Variants in PON3 observed in about 807,000 individuals in gnomAD.
PON3 encodes the protein paraoxonase 3.
Under a neutral mutation model 36.3 loss-of-function variants are expected in PON3, and 37 were observed. That is an observed-to-expected ratio of 1.02 (90% CI 0.78 to 1.34). PON3 has a LOEUF of 1.34. Among genes scored for constraint, PON3 ranks in the 40% most tolerant of loss-of-function variants. The pLI is 0.00. For missense variants in PON3, 415 were observed against 426.5 expected (o/e 0.97, Z 0.24); for synonymous variants, 155 against 154.8 (o/e 1.00, Z -0.01).
chr7:95,392,846 G>A (rs991922131), intron 2 of PON3, among the ~76,000 whole-genome samples: 14 of 152,312 alleles, frequency 9.2e-5, no homozygotes, highest in African/African-American at 2.4e-4. Context: ...AGGGTCCAGC[G>A]TCCCTAAAGA....
At position 95,363,332 on chromosome 7, in the gene PON3, A is replaced by T. The variant is rs17880412; in HGVS notation, c.696-491T>A. ...TCAAGGTACTTCTGTTTATAAAAAA[A>T]CCTCCAATTTTTAAACACTTTTTAA... On this transcript the variant is annotated intron_variant, in intron 6 of 8. Transcript: ENST00000265627. The T allele has an allele frequency of 8.1e-3, 1,447 of 178,714 alleles. 13 individuals carry two copies. Among genetic ancestry groups the T allele is most frequent in the African/African-American group, 0.019 (788 of 41,698 alleles). The allele number at this position is 178,714 out of a possible 1,614,324, so 11.1% of individuals were successfully genotyped here. A position where few individuals can be genotyped will look rare whatever the true frequency, so the allele number is the denominator to read the frequency against.
Position 95,359,964 on chromosome 7 carries a change from A to C in PON3, c.*9T>G, listed in dbSNP as rs570474868. On this transcript the variant is annotated 3_prime_UTR_variant, in exon 9 of 9. Coordinates refer to ENST00000265627, the MANE Select transcript of PON3 (RefSeq NM_000940.3). ...TAGACTTTTTTTTTTTTTTTTTACT[A>C]TCTAGAGTCTAGAGCTCACAGTACA... 2.5e-6 allele frequency: 4 copies of C among 1,569,682 alleles called. No individual in the cohort carries two copies. The highest frequency in any genetic ancestry group is 3.0e-5 in the African/African-American group (2 of 67,578).
intron 5 of PON3, among the ~76,000 whole-genome samples, chr7:95,366,374 C>T (rs2116381088): frequency 6.6e-6 from 1 of 152,298 alleles, no homozygotes; most frequent in Middle Eastern, 3.4e-3. Flanking sequence ...CCATACGGTG[C>T]ATTAGGAGCA....
Position 95,372,278 on chromosome 7 carries a change from T to A in PON3, c.262A>T (p.Met88Leu), listed in dbSNP as rs78883915. 8 of 1,614,002 alleles carry A rather than the reference T, an allele frequency of 5.0e-6. No individual in the cohort carries two copies. The highest frequency in any genetic ancestry group is 4.0e-5 in the African/African-American group (3 of 75,066). Residue 88 changes from methionine (M) to leucine (L), a missense_variant, in exon 4 of 9, where the codon ATG (methionine) becomes TTG (leucine). Physicochemically the swap from Met to Leu is conservative, Grantham distance 15. Coordinates refer to ENST00000265627, the MANE Select transcript of PON3 (RefSeq NM_000940.3). ...CTTGGGTTTTGTTCATTCAGATCCA[T>A]CAAGAAGATTTTTCCTGGTTCATCT... ...APDEPGKIFL[M>L]DLNEQNPRAQ...
intron 8 of PON3, 57 bp from the exon 9 acceptor site, chr7:95,360,188 T>G (rs1422068373): frequency 6.9e-7 from 1 of 1,448,772 alleles, no homozygotes; most frequent in East Asian, 2.3e-5. Context: ...TGTTTCATGA[T>G]GTCCTTCCCA....
chr7:95,394,771 T>C, intron 1 of PON3, 57 bp from the exon 2 acceptor site: 1 of 1,385,116 alleles, frequency 7.2e-7, no homozygotes, highest in Non-Finnish European at 1.0e-6. Flanking sequence ...AAATGTATGT[T>C]TAAATGTGGA....
At position 95,373,302 on chromosome 7, in the gene PON3, T is replaced by C. The variant is rs560363776; in HGVS notation, c.202-964A>G. On this transcript the variant is annotated intron_variant, in intron 3 of 8. Transcript: ENST00000265627. The stretch of plus-strand genomic sequence containing the variant: ...ACGTACACATACACTTATGATACTA[T>C]TACTGGCTCTTCCACTGCTCCCTCT... 2.0e-5 allele frequency among the ~76,000 whole-genome samples: 3 copies of C among 152,342 alleles called. No individual in the cohort carries two copies. In the East Asian group the frequency reaches 5.8e-4, roughly 29 times the overall value.
chr7:95,390,121 T>C (rs1373137026), intron 3 of PON3, 33 bp downstream of exon 3: 1 of 1,565,368 alleles, frequency 6.4e-7, no homozygotes, highest in East Asian at 2.2e-5. Context: ...CAGCTATTGA[T>C]GTGAGCATGA....
intron 2 of PON3, among the ~76,000 whole-genome samples, chr7:95,393,682 T>C (rs748382940): frequency 3.3e-5 from 5 of 151,942 alleles, no homozygotes; most frequent in East Asian, 1.9e-4. Flanking sequence ...GTACCATACA[T>C]AGGAAAAGTC....
intron 2 of PON3, among the ~76,000 whole-genome samples, chr7:95,390,897 C>G (rs1261314868): frequency 6.6e-6 from 1 of 152,162 alleles, no homozygotes; most frequent in African/African-American, 2.4e-5. Context: ...CCCCATGCAT[C>G]TCAGCAACAA....
At chr7:95,373,137 A>G (rs1397157476) in intron 3 of PON3, among the ~76,000 whole-genome samples, 2 of 152,154 alleles carry the variant, frequency 1.3e-5, no homozygotes, top group Non-Finnish European at 2.9e-5. Context: ...TCCCCTATCT[A>G]TCACTGGATA....
At chr7:95,383,840 T>C (rs1055632417) in intron 3 of PON3, among the ~76,000 whole-genome samples, 1 of 152,150 alleles carries the variant, frequency 6.6e-6, no homozygotes, top group African/African-American at 2.4e-5. Flanking sequence ...CTTCACAGAA[T>C]TGGAAAAAAC....
At chr7:95,382,527 A>G (rs563947625) in intron 3 of PON3, among the ~76,000 whole-genome samples, 1 of 152,378 alleles carries the variant, frequency 6.6e-6, no homozygotes, top group African/African-American at 2.4e-5. Flanking sequence ...GGATATCACC[A>G]CTGATCCCAC....
chr7:95,395,477 TA>T (rs1809408746), intron 1 of PON3, among the ~76,000 whole-genome samples: 1 of 152,176 alleles, frequency 6.6e-6, no homozygotes, highest in Non-Finnish European at 1.5e-5. Context: ...GGAGCAAATG[TA>T]ACAATAAAAC....
chr7:95,385,915 A>G (rs1254566676), intron 3 of PON3, among the ~76,000 whole-genome samples: 3 of 111,258 alleles, frequency 2.7e-5, no homozygotes, highest in African/African-American at 9.7e-5. Context: ...CATTTAAAGC[A>G]GTGTGTAGAG....
chr7:95,366,194 C>T (rs1808688632), intron 5 of PON3, among the ~76,000 whole-genome samples: 1 of 152,184 alleles, frequency 6.6e-6, no homozygotes, highest in African/African-American at 2.4e-5. Flanking sequence ...GAGACTCTTC[C>T]TGTGAGATCC....
chr7:95,391,011 T>G (rs1809307066), intron 2 of PON3, among the ~76,000 whole-genome samples: 2 of 152,184 alleles, frequency 1.3e-5, no homozygotes. Context: ...CTGCTAAGTC[T>G]AAAATCAGTC....
At chr7:95,389,366 A>G (rs557116438) in intron 3 of PON3, among the ~76,000 whole-genome samples, 3 of 152,218 alleles carry the variant, frequency 2.0e-5, no homozygotes, top group East Asian at 1.9e-4. Flanking sequence ...TTCAAAATCC[A>G]TGTTCTTTGG....
chr7:95,362,347 G>A lies in PON3; in HGVS notation c.906+15C>T, dbSNP rs773939290. 7.4e-6 allele frequency: 12 copies of A among 1,613,378 alleles called. No individual in the cohort carries two copies. Among genetic ancestry groups the A allele is most frequent in the African/African-American group, 1.3e-5 (1 of 74,906 alleles). ...GCAGCTTTGCCTGTGAGCTCAGAGA[G>A]GTATAGGAACTTACTTCTGATCCTG... On this transcript the variant is annotated intron_variant, in intron 8 of 8. Coordinates refer to ENST00000265627, the MANE Select transcript of PON3 (RefSeq NM_000940.3).
Sources: allele counts gnomAD v4.1 joint callset (sites outside exome capture counted in the v4.1 genomes callset), GRCh38; gene constraint gnomAD v4.1.1; transcripts MANE v1.5; gene names NCBI Gene and HGNC (gene_info 2026-07-23, HGNC 2026-07-21).